CHRM5: variants seen among roughly 807,000 people sequenced by gnomAD.
CHRM5 encodes muscarinic acetylcholine receptor M5.
Under a neutral mutation model 39.0 loss-of-function variants are expected in CHRM5, and 18 were observed. That is an observed-to-expected ratio of 0.46 (90% CI 0.32 to 0.68). The LOEUF (loss-of-function observed/expected upper bound fraction) is 0.68. Ranked by LOEUF, CHRM5 falls within the 30% of genes least tolerant of loss-of-function variation. The pLI is 0.04. For synonymous variants in CHRM5, 241 were observed against 246.3 expected (o/e 0.98, Z 0.20); for missense variants, 515 against 651.1 (o/e 0.79, Z 2.28).
intron 1 of CHRM5, among the ~76,000 whole-genome samples, chr15:33,997,036 A>G (rs1218679029): frequency 1.3e-5 from 2 of 152,230 alleles, no homozygotes; most frequent in African/African-American, 2.4e-5. Flanking sequence ...GCTGAAAACC[A>G]TGGCACAAGA....
chr15:34,061,015 CAAA>C (rs1381204975), intron 2 of CHRM5, among the ~76,000 whole-genome samples: 7 of 78,296 alleles, frequency 8.9e-5, no homozygotes, highest in African/African-American at 4.7e-5. Flanking sequence ...GACTCCGTCT[CAAA>C]AAAAAAAAAA....
chr15:34,003,614 T>C (rs551860823), intron 1 of CHRM5, among the ~76,000 whole-genome samples: 1 of 152,324 alleles, frequency 6.6e-6, no homozygotes, highest in East Asian at 1.9e-4. Context: ...ATAAACATGT[T>C]TAAAAGCTTT....
In CHRM5 at chr15:34,004,578, A is replaced by G. The variant is rs537142831; in HGVS notation, c.-408+35428A>G. 2.6e-5 allele frequency among the ~76,000 whole-genome samples: 4 copies of G among 152,320 alleles called. No homozygotes were observed. In the South Asian group the frequency reaches 8.3e-4, roughly 32 times the overall value. The stretch of plus-strand genomic sequence containing the variant: ...ACCACTAATTTATTGTTTGTTTGTT[A>G]TAATACTGGTATTGCAATTTTTTAA... On this transcript the variant is annotated intron_variant, in intron 1 of 2. Coordinates refer to ENST00000383263, the MANE Select transcript of CHRM5 (RefSeq NM_012125.4).
At chr15:34,030,406 C>T (rs971848399) in intron 1 of CHRM5, among the ~76,000 whole-genome samples, 14 of 151,552 alleles carry the variant, frequency 9.2e-5, no homozygotes, top group Non-Finnish European at 1.5e-4. Context: ...AGTGCAGTGG[C>T]GCAATCTCGC....
At chr15:33,980,527 G>T (rs754246054) in intron 1 of CHRM5, among the ~76,000 whole-genome samples, 4 of 152,126 alleles carry the variant, frequency 2.6e-5, no homozygotes, top group Non-Finnish European at 5.9e-5. Flanking sequence ...CACAAACTAC[G>T]AATATTAAAT....
At chr15:34,021,943 G>A (rs1406760455) in intron 1 of CHRM5, among the ~76,000 whole-genome samples, 3 of 152,190 alleles carry the variant, frequency 2.0e-5, no homozygotes, top group Middle Eastern at 3.2e-3. Flanking sequence ...CAGCACTTGT[G>A]CAAGCAGCAT....
intron 1 of CHRM5, among the ~76,000 whole-genome samples, chr15:34,041,317 G>A (rs966393350): frequency 1.3e-5 from 2 of 152,040 alleles, no homozygotes; most frequent in African/African-American, 4.8e-5. Context: ...GTACGTTTTA[G>A]TATCTAAGGA....
At chr15:34,010,881 A>G (rs369954493) in intron 1 of CHRM5, among the ~76,000 whole-genome samples, 131 of 152,334 alleles carry the variant, frequency 8.6e-4, no homozygotes, top group African/African-American at 3.0e-3. Flanking sequence ...TTGTAAACCT[A>G]TTAAGGTCAT....
chr15:34,045,495 C>A (rs1006588648), intron 1 of CHRM5, among the ~76,000 whole-genome samples: 4 of 152,150 alleles, frequency 2.6e-5, no homozygotes, highest in African/African-American at 7.2e-5. Flanking sequence ...CACAGTGGTA[C>A]CCCATGTGCT....
chr15:33,995,767 T>C (rs1896906119), intron 1 of CHRM5, among the ~76,000 whole-genome samples: 1 of 152,250 alleles, frequency 6.6e-6, no homozygotes, highest in Non-Finnish European at 1.5e-5. Flanking sequence ...GCGTGATCAA[T>C]GCAGAAGACA....
At chr15:33,991,433 G>A (rs915302874) in intron 1 of CHRM5, 1 of 151,836 alleles carries the variant, frequency 6.6e-6, no homozygotes, top group African/African-American at 2.4e-5. Flanking sequence ...ATTATGCATG[G>A]CATACCTGTA....
At chr15:34,014,390 AC>A (rs66666442) in intron 1 of CHRM5, among the ~76,000 whole-genome samples, 3,228 of 28,242 alleles carry the variant, frequency 0.11, 540 homozygotes, top group Non-Finnish European at 0.25. Context: ...AAAAACAAAA[AC>A]AAAAACCACG....
intron 2 of CHRM5, among the ~76,000 whole-genome samples, chr15:34,059,309 G>A (rs1597393609): frequency 6.6e-6 from 1 of 152,296 alleles, no homozygotes; most frequent in East Asian, 1.9e-4. Context: ...AATTGCTTAT[G>A]ACCTGATAAT....
intron 2 of CHRM5, 106 bp from the exon 3 acceptor site, chr15:34,062,537 A>T (rs1371341442): frequency 8.4e-6 from 5 of 595,582 alleles, no homozygotes; most frequent in African/African-American, 5.8e-5. Context: ...CCTGGGTGAC[A>T]AAGCGAGATT....
At chr15:34,003,192 A>G (rs1265357642) in intron 1 of CHRM5, 1 of 1,613,574 alleles carries the variant, frequency 6.2e-7, no homozygotes, top group Non-Finnish European at 8.5e-7. Flanking sequence ...AGGTCTCTGC[A>G]TCGCTGTCAT....
At chr15:34,010,158 C>T (rs1281695079) in intron 1 of CHRM5, among the ~76,000 whole-genome samples, 3 of 152,052 alleles carry the variant, frequency 2.0e-5, no homozygotes, top group Non-Finnish European at 2.9e-5. Flanking sequence ...ATATGCTTAA[C>T]AGAAACAATA....
intron 1 of CHRM5, among the ~76,000 whole-genome samples, chr15:34,007,521 T>C (rs1247808929): frequency 6.6e-6 from 1 of 152,198 alleles, no homozygotes; most frequent in East Asian, 1.9e-4. Flanking sequence ...TCGCCTTTAA[T>C]GTCCATATTT....
intron 1 of CHRM5, among the ~76,000 whole-genome samples, chr15:34,036,089 C>A (rs893176938): frequency 1.1e-4 from 16 of 150,852 alleles, no homozygotes; most frequent in Non-Finnish European, 2.2e-4. Flanking sequence ...AGCCACCACA[C>A]CCAGCCAGTT....
chr15:34,062,152 G>C (rs369834085), intron 2 of CHRM5, among the ~76,000 whole-genome samples: 5 of 152,232 alleles, frequency 3.3e-5, no homozygotes, highest in African/African-American at 1.2e-4. Context: ...TCAGCCATAG[G>C]TAACAACAAA....
Sources: gnomAD v4.1 joint callset for allele counts (sites outside exome capture counted in the v4.1 genomes callset) on GRCh38, gnomAD v4.1.1 for gene constraint, MANE v1.5 for transcripts, NCBI Gene and HGNC (gene_info 2026-07-23, HGNC 2026-07-21) for gene names.